Variants in MYH11 observed in about 807,000 individuals in gnomAD.
The protein encoded by MYH11 is myosin heavy chain 11.
In MYH11, 80 loss-of-function variants were observed where a neutral mutation model predicts 246.6. The ratio of observed to expected loss-of-function variants is 0.32; its 90% CI spans 0.27 to 0.39. MYH11 has a LOEUF of 0.39. Among genes scored for constraint, MYH11 ranks in the 10% least tolerant of loss-of-function variants. MYH11 has a pLI of 1.00. For synonymous variants in MYH11, 1,071 were observed against 1,015.5 expected (o/e 1.05, Z -1.04); for missense variants, 2,158 against 2,546.8 (o/e 0.85, Z 3.29).
At chr16:15,718,147 G>C in intron 37 of MYH11, 168 bp downstream of exon 37, 2 of 1,033,626 alleles carry the variant, frequency 1.9e-6, no homozygotes. Flanking sequence ...CAGCAGCCTG[G>C]GCACTGGTGT....
chr16:15,833,624 ACT>A (rs1469757612), intron 2 of MYH11, among the ~76,000 whole-genome samples: 1 of 151,824 alleles, frequency 6.6e-6, no homozygotes, highest in Non-Finnish European at 1.5e-5. Context: ...GCTTCTATAG[ACT>A]CTTCTAGATC....
At chr16:15,723,175 A>C (rs140925114) in intron 31 of MYH11, among the ~76,000 whole-genome samples, 18 of 152,328 alleles carry the variant, frequency 1.2e-4, no homozygotes, top group African/African-American at 4.3e-4. Flanking sequence ...CGTACAATTA[A>C]GATTTGTGAA....
Position 15,788,342 on chromosome 16 carries a change from G to A in MYH11, c.531-1610C>T, listed in dbSNP as rs551472319. ...GCTCACTTAATACTCTAAAATATAAGAGAGTTTTTTTTTTAAGTTGAAAAA... is the reference window on the plus strand; with the variant it reads ...GCTCACTTAATACTCTAAAATATAAAAGAGTTTTTTTTTTAAGTTGAAAAA... On this transcript the variant is annotated intron_variant, in intron 4 of 40. Transcript: ENST00000300036. Among the ~76,000 whole-genome samples, 40 of 151,638 alleles carry A rather than the reference G, an allele frequency of 2.6e-4. No individual in the cohort carries two copies. In the South Asian group the frequency reaches 7.9e-3, roughly 30 times the overall value.
intron 4 of MYH11, among the ~76,000 whole-genome samples, chr16:15,797,931 G>T (rs74782689): frequency 3.3e-5 from 5 of 151,536 alleles, no homozygotes; most frequent in Non-Finnish European, 7.4e-5. Context: ...TGCTCCCTTC[G>T]GCAGCACACA....
At chr16:15,807,285 A>G (rs574982424) in intron 3 of MYH11, among the ~76,000 whole-genome samples, 12 of 152,146 alleles carry the variant, frequency 7.9e-5, no homozygotes, top group African/African-American at 2.9e-4. Flanking sequence ...AAGCCAATGC[A>G]CCGAGCTTCA....
chr16:15,821,224 C>G (rs903925075), intron 3 of MYH11, among the ~76,000 whole-genome samples: 1 of 152,184 alleles, frequency 6.6e-6, no homozygotes, highest in Non-Finnish European at 1.5e-5. Flanking sequence ...CTCTTTCCCT[C>G]CTCCACACAC....
At chr16:15,856,218 T>TG (rs1555461773) in intron 1 of MYH11, among the ~76,000 whole-genome samples, 2 of 147,772 alleles carry the variant, frequency 1.4e-5, no homozygotes, top group Non-Finnish European at 3.0e-5. Flanking sequence ...CTGGGTGAGT[T>TG]GTTTTTTTTT....
intron 9 of MYH11, among the ~76,000 whole-genome samples, chr16:15,771,254 C>T (rs2042092942): frequency 6.6e-6 from 1 of 151,974 alleles, no homozygotes; most frequent in Non-Finnish European, 1.5e-5. Context: ...CCCACCTTGG[C>T]CCCGCAAAGC....
rs781004745 is a variant in MYH11, at chr16:15,771,609, C to T, written c.993G>A (p.Glu331=). 9 of 1,613,932 alleles carry T rather than the reference C, an allele frequency of 5.6e-6. No homozygotes were observed. The South Asian group carries it at 6.6e-5, about 12-fold the overall frequency. ...QDDEMFQETV[E]AMAIMGFSEE... The stretch of plus-strand genomic sequence containing the variant: ...CGCTGAAACCCATGATTGCCATGGC[C>T]TCCACGGTTTCCTGGAACATCTCAT... Residue 331 remains glutamate (E), a synonymous_variant, in exon 9 of 41, where the codon GAG becomes GAA. Transcript: ENST00000300036.
chr16:15,733,111 A>G (rs1460737916), intron 26 of MYH11: 1 of 261,258 alleles, frequency 3.8e-6, no homozygotes, highest in African/African-American at 2.2e-5. Context: ...GTGTGTTATT[A>G]TTTCCATTTT....
chr16:15,850,993 G>T (rs2044315595), intron 1 of MYH11, among the ~76,000 whole-genome samples: 1 of 152,178 alleles, frequency 6.6e-6, no homozygotes. Context: ...ACTATGGGAG[G>T]CCAAGCCAAG....
chr16:15,816,089 T>C (rs2043255594), intron 3 of MYH11, among the ~76,000 whole-genome samples: 1 of 152,200 alleles, frequency 6.6e-6, no homozygotes, highest in Non-Finnish European at 1.5e-5. Flanking sequence ...ACGTACATTC[T>C]TTCTTGGGAA....
chr16:15,721,193 C>T, intron 32 of MYH11, 142 bp from the exon 33 acceptor site: 1 of 1,017,836 alleles, frequency 9.8e-7, no homozygotes, highest in South Asian at 1.4e-5. Context: ...TCAAGATGAC[C>T]CCTGAGAGTT....
At position 15,838,079 on chromosome 16, in the gene MYH11, C is replaced by A; in HGVS notation, c.174G>T (p.Val58=). 1 of 1,614,146 alleles carries A rather than the reference C, an allele frequency of 6.2e-7. No individual in the cohort carries two copies. The highest frequency in any genetic ancestry group is 8.5e-7 in the Non-Finnish European group (1 of 1,180,036). ...ASIKEEKGDE[V]VVELVENGKK... is the part of the protein sequence containing the mutation. ...TGCCATTCTCCACCAGCTCCACAAC[C>A]ACCTCATCCCCCTTCTCCTCCTTAA... The change falls in exon 2 of 41, where the codon GTG becomes GTT. Residue 58 remains valine, a synonymous_variant. Coordinates refer to ENST00000300036, the MANE Select transcript of MYH11 (RefSeq NM_002474.3).
At chr16:15,816,885 C>T (rs1325577285) in intron 3 of MYH11, among the ~76,000 whole-genome samples, 2 of 151,546 alleles carry the variant, frequency 1.3e-5, no homozygotes, top group Admixed American at 6.6e-5. Flanking sequence ...GACTCTAAGC[C>T]GTCTGCATGA....
intron 4 of MYH11, among the ~76,000 whole-genome samples, chr16:15,790,340 A>AG: frequency 1.0e-5 from 1 of 98,346 alleles, no homozygotes. Context: ...ACAGACAGAC[A>AG]AAAAAAAAAA....
chr16:15,800,147 G>C (rs959566735), intron 3 of MYH11, among the ~76,000 whole-genome samples: 2 of 151,800 alleles, frequency 1.3e-5, no homozygotes, highest in African/African-American at 4.8e-5. Context: ...TGAGTAGATG[G>C]ATGGGAGGAT....
At chr16:15,800,927 C>T (rs997532137) in intron 3 of MYH11, among the ~76,000 whole-genome samples, 2 of 152,008 alleles carry the variant, frequency 1.3e-5, no homozygotes, top group South Asian at 2.1e-4. Flanking sequence ...ATAGGCAGGC[C>T]GGGCGCAGTG....
intron 27 of MYH11, among the ~76,000 whole-genome samples, chr16:15,730,259 C>A (rs962623433): frequency 6.6e-6 from 1 of 151,358 alleles, no homozygotes; most frequent in Admixed American, 6.6e-5. Flanking sequence ...CAGGGTGGTG[C>A]AGTGGCTCAC....
Sources: gnomAD v4.1 joint callset for allele counts (sites outside exome capture counted in the v4.1 genomes callset) on GRCh38, gnomAD v4.1.1 for gene constraint, MANE v1.5 for transcripts, NCBI Gene and HGNC (gene_info 2026-07-23, HGNC 2026-07-21) for gene names.